Variants in INTS2 observed in about 807,000 individuals in gnomAD.
The protein encoded by INTS2 is integrator complex subunit 2, also known as KIAA1287.
INTS2 carries 57 observed loss-of-function variants against 139.6 expected under a neutral mutation model. The ratio of observed to expected loss-of-function variants is 0.41; its 90% CI spans 0.33 to 0.51. The LOEUF is 0.51. INTS2 is among the 20% of genes least tolerant of loss of function. The pLI is 0.28. For missense variants in INTS2, 1,196 were observed against 1,436.7 expected, an observed-to-expected ratio of 0.83 and a Z score of 2.71; for synonymous variants, 473 against 493.4, an observed-to-expected ratio of 0.96 and a Z score of 0.55.
chr17:61,911,781 AG>A, intron 6 of INTS2, 88 bp from the exon 7 acceptor site: 1 of 1,452,394 alleles, frequency 6.9e-7, no homozygotes, highest in South Asian at 1.3e-5. Context: ...TAAAGTTTAG[AG>A]GAAGAACTCC....
In INTS2 at chr17:61,873,879, C is replaced by T. The variant is rs543863697; in HGVS notation, c.2582+1034G>A. 1.3e-5 allele frequency among the ~76,000 whole-genome samples: 2 copies of T among 152,256 alleles called. No individual in the cohort carries two copies. Among genetic ancestry groups the T allele is most frequent in the East Asian group, 1.9e-4 (1 of 5,182 alleles). The stretch of plus-strand genomic sequence containing the variant: ...ACATTAGCCTAATATTCAAGGCCCT[C>T]GATAGCCTGACCCCAATTTAACTTT... On this transcript the variant is annotated intron_variant, in intron 19 of 24. Transcript: ENST00000251334. The surrounding 1 kb of genome is among the most constrained non-coding windows in gnomAD (Gnocchi z 4.0).
chr17:61,874,508 A>G (rs538841713), intron 19 of INTS2, among the ~76,000 whole-genome samples: 2 of 152,350 alleles, frequency 1.3e-5, no homozygotes, highest in South Asian at 2.1e-4. Flanking sequence ...TGTGGAATCA[A>G]TGAAGCTAAC....
chr17:61,872,725 G>A lies in INTS2; in HGVS notation c.2583-265C>T, dbSNP rs1476314936. 6.6e-6 allele frequency among the ~76,000 whole-genome samples: 1 copy of A among 152,032 alleles called. No individual in the cohort carries two copies. Among genetic ancestry groups the A allele is most frequent in the Non-Finnish European group, 1.5e-5 (1 of 67,998 alleles). Reference sequence around the variant, plus strand: ...TGTAAATTCTAAAGAAAAGATGACCGGGTGCGGGCAAAACAATATTGCATG... The same window carrying A: ...TGTAAATTCTAAAGAAAAGATGACCAGGTGCGGGCAAAACAATATTGCATG... On this transcript the variant is annotated intron_variant, in intron 19 of 24. Coordinates refer to ENST00000251334, the MANE Select transcript of INTS2 (RefSeq NM_001351695.2). This position sits in a 1 kb window ranked among gnomAD's most constrained non-coding sequence, Gnocchi z 4.8.
chr17:61,911,755 C>A, intron 6 of INTS2, 62 bp from the exon 7 acceptor site: 1 of 1,524,694 alleles, frequency 6.6e-7, no homozygotes, highest in Non-Finnish European at 8.9e-7. Context: ...AGTGATGCTT[C>A]CAAATCTAAA....
chr17:61,901,573 A>ATT (rs1477309662), intron 9 of INTS2, among the ~76,000 whole-genome samples: 2 of 80,160 alleles, frequency 2.5e-5, no homozygotes, highest in Non-Finnish European at 2.4e-5. Context: ...AGGCAGAATG[A>ATT]TTTCTTTTTT....
At chr17:61,913,849 C>T (rs1429589062) in intron 5 of INTS2, among the ~76,000 whole-genome samples, 1 of 151,906 alleles carries the variant, frequency 6.6e-6, no homozygotes, top group Non-Finnish European at 1.5e-5. Flanking sequence ...ATAGTATTTT[C>T]CTCTATATTT....
chr17:61,892,789 TAA>T (rs560376968), intron 13 of INTS2, among the ~76,000 whole-genome samples: 7 of 134,226 alleles, frequency 5.2e-5, no homozygotes, highest in African/African-American at 5.5e-5. Flanking sequence ...TACTAAAAAT[TAA>T]AAAAAAAAAA....
At chr17:61,925,587 A>C (rs931247565) in intron 2 of INTS2, among the ~76,000 whole-genome samples, 3 of 151,980 alleles carry the variant, frequency 2.0e-5, no homozygotes. Flanking sequence ...AAAAAAAATA[A>C]AAATAAAAAT....
rs533194669 is a variant in INTS2, at chr17:61,882,587, G to T, written c.2090-1416C>A. ...CTACTAAAAATACAAAAATTAGCCA[G>T]GCGTGGTGGCACACGCCTGTAATCC... On this transcript the variant is annotated intron_variant, in intron 16 of 24. Transcript: ENST00000251334. The surrounding 1 kb of genome is among the most constrained non-coding windows in gnomAD (Gnocchi z 4.7). Among the ~76,000 whole-genome samples the T allele has an allele frequency of 2.6e-5, 4 of 152,110 alleles. No homozygotes were observed. In the South Asian group the frequency reaches 8.3e-4, roughly 32 times the overall value.
rs2079076247 is a variant in INTS2, at chr17:61,869,972, T to C, written c.2795A>G (p.Gln932Arg). The change falls in exon 21 of 25, where the codon CAG (glutamine) becomes CGG (arginine). Residue 932 changes from glutamine (Q) to arginine (R), a missense_variant. Transcript: ENST00000251334. This position sits in a 1 kb window ranked among gnomAD's most constrained non-coding sequence, Gnocchi z 5.4. ...LLAAQDSAAV[Q>R]ILLEICLPTE... ...AGGTAGGCAAATCTCTAAGAGAATC[T>C]GGACAGCTGCACTATCCTATAAGCA... The C allele has an allele frequency of 5.6e-6, 9 of 1,613,494 alleles. No individual in the cohort carries two copies. The highest frequency in any genetic ancestry group is 2.2e-5 in the East Asian group (1 of 44,868).
At chr17:61,919,161 G>C (rs2030241997) in intron 5 of INTS2, among the ~76,000 whole-genome samples, 1 of 152,066 alleles carries the variant, frequency 6.6e-6, no homozygotes, top group African/African-American at 2.4e-5. Flanking sequence ...CTGACCTTGT[G>C]ATCTGCCCGC....
At chr17:61,907,732 T>A in intron 7 of INTS2, 98 bp from the exon 8 acceptor site, 3 of 910,462 alleles carry the variant, frequency 3.3e-6, no homozygotes, top group Non-Finnish European at 5.0e-6. Flanking sequence ...ACTTTCAAAT[T>A]GGCCTATTTG....
At position 61,882,462 on chromosome 17, in the gene INTS2, C is replaced by T. The variant is rs2079186324; in HGVS notation, c.2090-1291G>A. Among the ~76,000 whole-genome samples the T allele has an allele frequency of 6.6e-6, 1 of 152,224 alleles. No homozygotes were observed. Among genetic ancestry groups the T allele is most frequent in the Admixed American group, 6.5e-5 (1 of 15,282 alleles). On this transcript the variant is annotated intron_variant, in intron 16 of 24. Transcript: ENST00000251334. This position sits in a 1 kb window ranked among gnomAD's most constrained non-coding sequence, Gnocchi z 4.7. ...AATAATGAGAGGCTGTGTGCGGTGG[C>T]TCATGCCTGTAATCCCAGCACCTTG...
At position 61,893,959 on chromosome 17, in the gene INTS2, G is replaced by T; in HGVS notation, c.1564-60C>A. 1 of 1,207,512 alleles carries T rather than the reference G, an allele frequency of 8.3e-7. No homozygotes were observed. The highest frequency in any genetic ancestry group is 1.1e-6 in the Non-Finnish European group (1 of 875,120). The allele number at this position is 1,207,512 out of a possible 1,614,324, so 74.8% of individuals were successfully genotyped here. A position where few individuals can be genotyped will look rare whatever the true frequency, so the allele number is the denominator to read the frequency against. On this transcript the variant is annotated intron_variant, in intron 12 of 24. Transcript: ENST00000251334. The surrounding 1 kb of genome is among the most constrained non-coding windows in gnomAD (Gnocchi z 5.4). ...AACTAAATATAAAATTATTTTGAAA[G>T]AGAGATTAGTAAGTAGACTGTCAAC...
rs1464054980 is a variant in INTS2 at position 61,909,898 on chromosome 17, T to C, written c.954+1622A>G. Among the ~76,000 whole-genome samples, 2 of 151,902 alleles carry C rather than the reference T, an allele frequency of 1.3e-5. No individual in the cohort carries two copies. Among genetic ancestry groups the C allele is most frequent in the Non-Finnish European group, 2.9e-5 (2 of 67,996 alleles). The stretch of plus-strand genomic sequence containing the variant: ...TTTTCTTTAAGCAACCATCCGTTGA[T>C]AGATGCTTAGGTTGATTCCATAACA... On this transcript the variant is annotated intron_variant, in intron 7 of 24. Transcript: ENST00000251334. This position sits in a 1 kb window ranked among gnomAD's most constrained non-coding sequence, Gnocchi z 4.9.
chr17:61,907,396 A>C lies in INTS2; in HGVS notation c.1181+12T>G. 6.4e-7 allele frequency: 1 copy of C among 1,551,624 alleles called. No homozygotes were observed. The highest frequency in any genetic ancestry group is 8.7e-7 in the Non-Finnish European group (1 of 1,143,256). ...AAATGACAAAAAGGTAAAATATCAA[A>C]CTATTGAATACTTGAGTCCAGCGAT... On this transcript the variant is annotated intron_variant, in intron 8 of 24. Transcript: ENST00000251334.
At chr17:61,915,066 C>T (rs1386806830) in intron 5 of INTS2, among the ~76,000 whole-genome samples, 4 of 151,684 alleles carry the variant, frequency 2.6e-5, no homozygotes, top group Non-Finnish European at 4.4e-5. Context: ...TAGCCGGGCG[C>T]GGTGGCTCAC....
In INTS2 at chr17:61,927,654, C is replaced by A; in HGVS notation, c.-19G>T. ...GGCCAGAGAAGCGGACGCTTCATAC[C>A]TTAAGATCTACCCTCCAGCCTCACG... On this transcript the variant is annotated splice_region_variant and 5_prime_UTR_variant, in exon 1 of 25. It adds an upstream start codon to the 5' untranslated region. Transcript: ENST00000251334. 7.2e-7 allele frequency: 1 copy of A among 1,393,764 alleles called. No individual in the cohort carries two copies. The highest frequency in any genetic ancestry group is 9.3e-7 in the Non-Finnish European group (1 of 1,074,980). The allele number at this position is 1,393,764 out of a possible 1,614,324, so 86.3% of individuals were successfully genotyped here.
At position 61,927,849 on chromosome 17, in the gene INTS2, T is replaced by TG; in HGVS notation, c.-215dup. The TG allele has an allele frequency of 6.2e-7, 1 of 1,612,650 alleles. No individual in the cohort carries two copies. The highest frequency in any genetic ancestry group is 2.2e-5 in the East Asian group (1 of 44,810). On this transcript the variant is annotated 5_prime_UTR_variant, in exon 1 of 25. It removes the in-frame stop codon of an upstream open reading frame in the 5' UTR. Transcript: ENST00000251334. ...GACCAACCGGGTTGTCGATACAAAG[T>TG]GGGAAGGATGGGGGCACCACACAAA... is the stretch of plus-strand genomic sequence containing the variant.
Sources: gnomAD v4.1 joint callset for allele counts (sites outside exome capture counted in the v4.1 genomes callset) on GRCh38, gnomAD v4.1.1 for gene constraint, Gnocchi (gnomAD v3.1) non-coding constraint, MANE v1.5 for transcripts, NCBI Gene and HGNC (gene_info 2026-07-23, HGNC 2026-07-21) for gene names.